Variants in ATP2A2 observed in about 807,000 individuals in gnomAD.
ATP2A2 encodes the protein ATPase sarcoplasmic/endoplasmic reticulum Ca2+ transporting 2.
Under a neutral mutation model 109.3 loss-of-function variants are expected in ATP2A2, and 14 were observed. The observed-to-expected ratio is 0.13, with a 90% CI of 0.08 to 0.20. The LOEUF is 0.20. ATP2A2 is among the 10% of genes least tolerant of loss of function. The pLI is 1.00. For missense variants in ATP2A2, 657 were observed against 1,321.6 expected (o/e 0.50, Z 7.80); for synonymous variants, 506 against 490.9 (o/e 1.03, Z -0.41).
chr12:110,321,831 G>T (rs1431243001), intron 5 of ATP2A2, among the ~76,000 whole-genome samples: 2 of 152,206 alleles, frequency 1.3e-5, no homozygotes, highest in African/African-American at 4.8e-5. Flanking sequence ...TGTTACTTGG[G>T]CTATGTTGTG....
chr12:110,335,823 G>T (rs1203543533), intron 11 of ATP2A2, among the ~76,000 whole-genome samples: 1 of 152,236 alleles, frequency 6.6e-6, no homozygotes, highest in Non-Finnish European at 1.5e-5. Context: ...GGCTCTCAAA[G>T]TCTATGTCTG....
intron 5 of ATP2A2, among the ~76,000 whole-genome samples, chr12:110,304,772 T>C (rs1379404389): frequency 6.6e-6 from 1 of 152,210 alleles, no homozygotes; most frequent in Non-Finnish European, 1.5e-5. Context: ...AGTCCACTTA[T>C]ACATTGTTGT....
intron 11 of ATP2A2, among the ~76,000 whole-genome samples, chr12:110,338,141 A>G (rs79941201): frequency 0.023 from 3,453 of 152,266 alleles, 129 homozygotes; most frequent in African/African-American, 0.078. Context: ...CCAGGAGGTG[A>G]AGGCTCCATA....
At position 110,344,868 on chromosome 12, in the gene ATP2A2, C is replaced by T. The variant is rs571283129; in HGVS notation, c.2522-18C>T. On this transcript the variant is annotated intron_variant, in intron 16 of 19. Transcript: ENST00000539276. ...CCTGCAGAGGCAAGTGCATCAGCAT[C>T]ACTGTGTTTGTTCCCAGGTTACGTC... 3 of 1,613,698 alleles carry T rather than the reference C, an allele frequency of 1.9e-6. No homozygotes were observed. The highest frequency in any genetic ancestry group is 2.2e-5 in the South Asian group (2 of 91,066).
intron 5 of ATP2A2, among the ~76,000 whole-genome samples, chr12:110,311,595 CAAAAAAAAAAAAA>C (rs67023919): frequency 7.9e-4 from 20 of 25,224 alleles, no homozygotes; most frequent in East Asian, 4.9e-3. Context: ...GACTCCATCT[CAAAAAAAAAAAAA>C]AAAAAAAAAA....
In ATP2A2 at chr12:110,327,363, C is replaced by G. The variant is rs971490947; in HGVS notation, c.631-190C>G. Among the ~76,000 whole-genome samples the G allele has an allele frequency of 6.6e-6, 1 of 152,306 alleles. No individual in the cohort carries two copies. Among genetic ancestry groups the G allele is most frequent in the East Asian group, 1.9e-4 (1 of 5,190 alleles). Reference sequence around the variant, plus strand: ...TCTAGGTGGGTCAGTACAGAGCTGCCTGACATAAGTAAGTAGCACATGGAG... The same window carrying G: ...TCTAGGTGGGTCAGTACAGAGCTGCGTGACATAAGTAAGTAGCACATGGAG... On this transcript the variant is annotated intron_variant, in intron 7 of 19. Coordinates refer to ENST00000539276, the MANE Select transcript of ATP2A2 (RefSeq NM_170665.4). This position sits in a 1 kb window ranked among gnomAD's most constrained non-coding sequence, Gnocchi z 4.4.
At chr12:110,338,866 A>T (rs553531483) in intron 11 of ATP2A2, among the ~76,000 whole-genome samples, 1 of 152,094 alleles carries the variant, frequency 6.6e-6, no homozygotes, top group Non-Finnish European at 1.5e-5. Flanking sequence ...TGTAAACTCT[A>T]TTCCAGCCAC....
rs937574615 is a variant in ATP2A2, at chr12:110,323,761, C to T, written c.544+689C>T. 3.3e-5 allele frequency among the ~76,000 whole-genome samples: 5 copies of T among 152,292 alleles called. 1 individual carries two copies. The highest frequency in any genetic ancestry group is 3.3e-4 in the Admixed American group (5 of 15,302). ...GAGCCATGCTTGTGCCTCTGCACTC[C>T]AGCCTGGGGGACAGAGCAAGACTCT... is the stretch of plus-strand genomic sequence containing the variant. On this transcript the variant is annotated intron_variant, in intron 6 of 19. Coordinates refer to ENST00000539276, the MANE Select transcript of ATP2A2 (RefSeq NM_170665.4).
chr12:110,348,805 G>T lies in ATP2A2; in HGVS notation c.*2335G>T. The T allele has an allele frequency of 1.0e-6, 1 of 985,548 alleles. No homozygotes were observed. The highest frequency in any genetic ancestry group is 1.2e-6 in the Non-Finnish European group (1 of 830,028). The allele number at this position is 985,548 out of a possible 1,614,324, so 61.1% of individuals were successfully genotyped here. The stretch of plus-strand genomic sequence containing the variant: ...GCCCAGCAGGGAACATTTGGGGCAG[G>T]GGGTAAATTTTGCCAGTTTGAGCAT... On this transcript the variant is annotated 3_prime_UTR_variant, in exon 20 of 20. Coordinates refer to ENST00000539276, the MANE Select transcript of ATP2A2 (RefSeq NM_170665.4).
At chr12:110,341,103 C>CA (rs1879311278) in intron 14 of ATP2A2, 109 bp downstream of exon 14, 10 of 1,212,936 alleles carry the variant, frequency 8.2e-6, no homozygotes, top group Non-Finnish European at 1.2e-5. Flanking sequence ...TGGAATTTGT[C>CA]ATGATTTGGG....
At chr12:110,290,842 G>A (rs1283178373) in intron 3 of ATP2A2, among the ~76,000 whole-genome samples, 1 of 152,088 alleles carries the variant, frequency 6.6e-6, no homozygotes, top group Non-Finnish European at 1.5e-5. Flanking sequence ...GACCTCAGGC[G>A]ATCTACCTGT....
At position 110,349,124 on chromosome 12, in the gene ATP2A2, G is replaced by C; in HGVS notation, c.*2654G>C. On this transcript the variant is annotated 3_prime_UTR_variant, in exon 20 of 20. Coordinates refer to ENST00000539276, the MANE Select transcript of ATP2A2 (RefSeq NM_170665.4). The stretch of plus-strand genomic sequence containing the variant: ...GTCCAGACAGCTGGGAGTGGGTTAG[G>C]CCCACTGCTGTTTTGAGCAGGGCCA... 1 of 985,454 alleles carries C rather than the reference G, an allele frequency of 1.0e-6. No individual in the cohort carries two copies. The highest frequency in any genetic ancestry group is 1.2e-6 in the Non-Finnish European group (1 of 829,966). 61.0% of individuals were successfully genotyped at this position (985,454 alleles called of 1,614,324 possible).
rs1309190465 is a variant in ATP2A2, at chr12:110,339,692, G to C, written c.1732G>C (p.Glu578Gln). ...ACTGAGAAGAGAAGAAATGCACCTT[G>C]AGGACTCTGCCAACTTTATTAAATA... ...NPLRREEMHL[E>Q]DSANFIKYET... is the part of the protein sequence containing the mutation. The change falls in exon 13 of 20, where the codon GAG (glutamate) becomes CAG (glutamine). Residue 578 changes from glutamate to glutamine, a missense_variant. Physicochemically the swap from Glu to Gln is conservative, Grantham distance 29 (BLOSUM62 2). This residue lies in a region of ATP2A2 where 180 missense variants were observed against 329.1 expected (regional missense o/e 0.55). Coordinates refer to ENST00000539276, the MANE Select transcript of ATP2A2 (RefSeq NM_170665.4). The surrounding 1 kb of genome is among the most constrained non-coding windows in gnomAD (Gnocchi z 4.4). 6.2e-7 allele frequency: 1 copy of C among 1,614,024 alleles called. No individual in the cohort carries two copies. Among genetic ancestry groups the C allele is most frequent in the Admixed American group, 1.7e-5 (1 of 60,020 alleles).
chr12:110,349,705 C>G lies in ATP2A2; in HGVS notation c.*3235C>G. On this transcript the variant is annotated 3_prime_UTR_variant, in exon 20 of 20. Coordinates refer to ENST00000539276, the MANE Select transcript of ATP2A2 (RefSeq NM_170665.4). Reference sequence around the variant, plus strand: ...AGCCACTGTCCAGGGCCAGAGCATACCACGTCTGCAGTGCCTGTGAGCAGA... The same window carrying G: ...AGCCACTGTCCAGGGCCAGAGCATAGCACGTCTGCAGTGCCTGTGAGCAGA... 10 of 1,002,358 alleles carry G rather than the reference C, an allele frequency of 1.0e-5. No individual in the cohort carries two copies. The South Asian group carries it at 3.4e-4, about 34-fold the overall frequency. The allele number at this position is 1,002,358 out of a possible 1,614,324, so 62.1% of individuals were successfully genotyped here. A position where few individuals can be genotyped will look rare whatever the true frequency, so the allele number is the denominator to read the frequency against.
At chr12:110,290,641 A>T (rs1303498019) in intron 3 of ATP2A2, among the ~76,000 whole-genome samples, 1 of 152,028 alleles carries the variant, frequency 6.6e-6, no homozygotes, top group East Asian at 1.9e-4. Flanking sequence ...GTCTTGCTCT[A>T]ACGCCCAGGC....
chr12:110,349,373 C>T lies in ATP2A2; in HGVS notation c.*2903C>T, dbSNP rs769709119. 58 of 985,416 alleles carry T rather than the reference C, an allele frequency of 5.9e-5. No homozygotes were observed. Among genetic ancestry groups the T allele is most frequent in the Non-Finnish European group, 6.7e-5 (56 of 830,002 alleles). 61.0% of individuals were successfully genotyped at this position (985,416 alleles called of 1,614,324 possible). A position where few individuals can be genotyped will look rare whatever the true frequency, so the allele number is the denominator to read the frequency against. On this transcript the variant is annotated 3_prime_UTR_variant, in exon 20 of 20. Transcript: ENST00000539276. ...ACATTCTTTCCTGATGGGCAGGTGG[C>T]TGAAGGCCCAGCCATCAGTGTCGCT...
chr12:110,291,082 A>G (rs530766821), intron 3 of ATP2A2, among the ~76,000 whole-genome samples: 4 of 151,128 alleles, frequency 2.6e-5, no homozygotes, highest in Non-Finnish European at 5.9e-5. Flanking sequence ...CTAATTTTGT[A>G]ATTTTAGTAG....
chr12:110,339,753 C>T lies in ATP2A2; in HGVS notation c.1761+32C>T, dbSNP rs547014731. On this transcript the variant is annotated intron_variant, in intron 13 of 19. Transcript: ENST00000539276. This position sits in a 1 kb window ranked among gnomAD's most constrained non-coding sequence, Gnocchi z 4.4. ...TAATGAAAAGTTTCTTTGTCCACACCCTGCACGATTCATTGTGTTTAAACA... is the reference window on the plus strand; with the variant it reads ...TAATGAAAAGTTTCTTTGTCCACACTCTGCACGATTCATTGTGTTTAAACA... The T allele has an allele frequency of 4.1e-5, 66 of 1,597,228 alleles. 1 individual carries two copies. The South Asian group carries it at 6.4e-4, about 15-fold the overall frequency.
chr12:110,309,749 T>A (rs1234624080), intron 5 of ATP2A2, among the ~76,000 whole-genome samples: 1 of 151,688 alleles, frequency 6.6e-6, no homozygotes, highest in African/African-American at 2.4e-5. Flanking sequence ...CTACAAAAAA[T>A]ACAAAAATTA....
Sources: gnomAD v4.1 joint callset for allele counts (sites outside exome capture counted in the v4.1 genomes callset) on GRCh38, gnomAD v4.1.1 for gene constraint, gnomAD v4.1.1 regional missense constraint, Gnocchi (gnomAD v3.1) non-coding constraint, MANE v1.5 for transcripts, NCBI Gene and HGNC (gene_info 2026-07-23, HGNC 2026-07-21) for gene names.